The following CDH10 variants were observed in gnomAD, a reference collection of about 807,000 sequenced individuals.
CDH10 encodes cadherin 10.
Under a neutral mutation model 73.1 loss-of-function variants are expected in CDH10, and 30 were observed. That is an observed-to-expected ratio of 0.41 (90% confidence interval 0.31 to 0.56). The LOEUF (loss-of-function observed/expected upper bound fraction) is 0.56. Ranked by LOEUF, CDH10 falls within the 20% of genes least tolerant of loss-of-function variation. CDH10 has a pLI of 0.27. For synonymous variants in CDH10, 345 were observed against 348.2 expected, an observed-to-expected ratio of 0.99 and a Z score of 0.10; for missense variants, 815 against 973.7, an observed-to-expected ratio of 0.84 and a Z score of 2.17.
At chr5:24,596,619 G>A (rs919610259) in intron 1 of CDH10, among the ~76,000 whole-genome samples, 10 of 151,938 alleles carry the variant, frequency 6.6e-5, no homozygotes, top group Middle Eastern at 3.4e-3. Context: ...TTCAATATCC[G>A]AAACCAGATA....
In CDH10 at chr5:24,505,104, C is replaced by T. The variant is rs2111725089; in HGVS notation, c.1393+8G>A. On this transcript the variant is annotated splice_region_variant and intron_variant, in intron 8 of 11. Coordinates refer to ENST00000264463, the MANE Select transcript of CDH10 (RefSeq NM_006727.5). Reference sequence around the variant, plus strand: ...AGATATATGTTAGATACATAAAATTCATCTTACTGATTTCAGCAGCAATAA... The same window carrying T: ...AGATATATGTTAGATACATAAAATTTATCTTACTGATTTCAGCAGCAATAA... The T allele has an allele frequency of 1.3e-6, 2 of 1,596,860 alleles. No homozygotes were observed. The highest frequency in any genetic ancestry group is 1.1e-5 in the South Asian group (1 of 90,462).
At chr5:24,581,372 C>T (rs956657875) in intron 2 of CDH10, among the ~76,000 whole-genome samples, 48 of 152,180 alleles carry the variant, frequency 3.2e-4, no homozygotes, top group African/African-American at 1.0e-3. Context: ...TCACCTTCTC[C>T]GTGAGGAAGC....
In CDH10 at chr5:24,544,744, C is replaced by T. The variant is rs901944033; in HGVS notation, c.232-7070G>A. 8.5e-5 allele frequency among the ~76,000 whole-genome samples: 13 copies of T among 152,262 alleles called. 1 individual carries two copies. Among genetic ancestry groups the T allele is most frequent in the African/African-American group, 2.9e-4 (12 of 41,568 alleles). On this transcript the variant is annotated intron_variant, in intron 2 of 11. Transcript: ENST00000264463. ...GAAGTCAACTTGAATTACTCAAGAA[C>T]CTACAAGAGATCAGACTTCTTCATG...
At chr5:24,499,817 T>C (rs1017458975) in intron 8 of CDH10, among the ~76,000 whole-genome samples, 1 of 152,232 alleles carries the variant, frequency 6.6e-6, no homozygotes, top group Non-Finnish European at 1.5e-5. Flanking sequence ...TTTCCTATTA[T>C]AGATTTTTCT....
intron 9 of CDH10, among the ~76,000 whole-genome samples, chr5:24,495,345 T>C (rs1199236297): frequency 1.3e-5 from 2 of 152,266 alleles, no homozygotes; most frequent in East Asian, 3.9e-4. Context: ...ACAATATAAT[T>C]GATTTCTGTC....
intron 1 of CDH10, among the ~76,000 whole-genome samples, chr5:24,604,097 G>A (rs551654505): frequency 1.4e-4 from 21 of 152,178 alleles, no homozygotes; most frequent in African/African-American, 4.1e-4. Context: ...TCCTGTATTC[G>A]AAACCCTTTG....
intron 11 of CDH10, among the ~76,000 whole-genome samples, chr5:24,489,218 A>G (rs1372054690): frequency 1.3e-5 from 2 of 152,128 alleles, no homozygotes; most frequent in Non-Finnish European, 2.9e-5. Context: ...ACACACATTT[A>G]AAGAGTATGT....
chr5:24,492,968 C>A (rs2111651423), intron 9 of CDH10, 43 bp from the exon 10 acceptor site: 1 of 803,522 alleles, frequency 1.2e-6, no homozygotes, highest in Non-Finnish European at 2.2e-6. Context: ...TATCTCTTAT[C>A]CATGGGTATA....
At chr5:24,583,694 G>C (rs1394324315) in intron 2 of CDH10, among the ~76,000 whole-genome samples, 1 of 152,258 alleles carries the variant, frequency 6.6e-6, no homozygotes, top group East Asian at 1.9e-4. Context: ...TGCCTATGCT[G>C]GAGTGCAGTG....
intron 2 of CDH10, among the ~76,000 whole-genome samples, chr5:24,584,965 C>T (rs545036951): frequency 2.7e-5 from 4 of 149,796 alleles, no homozygotes; most frequent in South Asian, 2.1e-4. Flanking sequence ...TTTCACCTCA[C>T]CCTTTCTGGT....
chr5:24,567,113 G>A (rs1745190877), intron 2 of CDH10, among the ~76,000 whole-genome samples: 1 of 151,866 alleles, frequency 6.6e-6, no homozygotes, highest in South Asian at 2.1e-4. Context: ...AGCATCCTTA[G>A]TCATCAGAAA....
chr5:24,535,019 G>T, intron 5 of CDH10, 93 bp downstream of exon 5: 2 of 1,153,210 alleles, frequency 1.7e-6, no homozygotes, highest in Non-Finnish European at 2.4e-6. Flanking sequence ...TTAAATGAAT[G>T]ACAATTGCTT....
chr5:24,599,492 T>G (rs1302846363), intron 1 of CDH10, among the ~76,000 whole-genome samples: 2 of 152,298 alleles, frequency 1.3e-5, no homozygotes, highest in Admixed American at 6.5e-5. Context: ...AGAAAACCAT[T>G]TGTGCATGTA....
At chr5:24,594,798 T>G (rs1231274556) in intron 1 of CDH10, among the ~76,000 whole-genome samples, 2 of 152,128 alleles carry the variant, frequency 1.3e-5, no homozygotes, top group African/African-American at 2.4e-5. Flanking sequence ...TTTATTTATT[T>G]ATTTATTTAT....
At chr5:24,561,665 C>A (rs115371171) in intron 2 of CDH10, among the ~76,000 whole-genome samples, 1 of 151,992 alleles carries the variant, frequency 6.6e-6, no homozygotes, top group Non-Finnish European at 1.5e-5. Context: ...AAACTACCCA[C>A]GTTAAGATTA....
chr5:24,539,297 G>A (rs76901433), intron 2 of CDH10, among the ~76,000 whole-genome samples: 3,514 of 151,838 alleles, frequency 0.023, 83 homozygotes, highest in East Asian at 0.087. Context: ...AACTAATTAC[G>A]TCCTATTTAA....
intron 2 of CDH10, among the ~76,000 whole-genome samples, chr5:24,538,341 G>A (rs1744032245): frequency 6.6e-6 from 1 of 152,048 alleles, no homozygotes; most frequent in Middle Eastern, 3.2e-3. Flanking sequence ...CTAGCCTCCT[G>A]CCTTGTCAAA....
chr5:24,495,562 C>G (rs1419732085), intron 9 of CDH10, among the ~76,000 whole-genome samples: 1 of 152,048 alleles, frequency 6.6e-6, no homozygotes, highest in African/African-American at 2.4e-5. Flanking sequence ...AAAATGCACC[C>G]TTTTGGCCAG....
rs2111725595 is a variant in CDH10, at chr5:24,505,132, G to C, written c.1373C>G (p.Thr458Ser). The C allele has an allele frequency of 6.2e-7, 1 of 1,610,886 alleles. No individual in the cohort carries two copies. Among genetic ancestry groups the C allele is most frequent in the Non-Finnish European group, 8.5e-7 (1 of 1,177,416 alleles). ...CTTACTGATTTCAGCAGCAATAACA[G>C]TAAGATTATGCCACTGAGATAGTTC... ...DRELSQWHNL[T>S]VIAAEINNPK... Residue 458 changes from threonine (T) to serine (S), a missense_variant, in exon 8 of 12, where the codon ACT (threonine) becomes AGT (serine). Thr to Ser is a moderately conservative substitution (Grantham distance 58). Coordinates refer to ENST00000264463, the MANE Select transcript of CDH10 (RefSeq NM_006727.5).
Sources: gnomAD v4.1 joint callset for allele counts (sites outside exome capture counted in the v4.1 genomes callset) on GRCh38, gnomAD v4.1.1 for gene constraint, MANE v1.5 for transcripts, NCBI Gene and HGNC (gene_info 2026-07-23, HGNC 2026-07-21) for gene names.